The following PLCL1 variants were observed in gnomAD, a reference collection of about 807,000 sequenced individuals.
PLCL1 encodes phospholipase C like 1 (inactive), also known as inactive phospholipase C-like protein 1.
Under a neutral mutation model 84.4 loss-of-function variants are expected in PLCL1, and 41 were observed. That is an observed-to-expected ratio of 0.49 (90% CI 0.38 to 0.63). The LOEUF is 0.63. PLCL1 is among the 30% of genes least tolerant of loss of function. The pLI is 0.00. For synonymous variants in PLCL1, 490 were observed against 488.3 expected, an observed-to-expected ratio of 1.00 and a Z score of -0.05; for missense variants, 1,206 against 1,367.8, an observed-to-expected ratio of 0.88 and a Z score of 1.87.
chr2:198,027,571 AAT>A (rs778397642), intron 1 of PLCL1, among the ~76,000 whole-genome samples: 1 of 152,202 alleles, frequency 6.6e-6, no homozygotes, highest in South Asian at 2.1e-4. Context: ...GCCATTTCAC[AAT>A]ATGTTTGTAT....
chr2:198,042,072 G>A (rs987854261), intron 1 of PLCL1, among the ~76,000 whole-genome samples: 5 of 152,128 alleles, frequency 3.3e-5, no homozygotes, highest in Admixed American at 2.0e-4. Flanking sequence ...CTCTGTGATC[G>A]TGTTCTGGCT....
chr2:198,059,510 G>A (rs1253635799), intron 1 of PLCL1, among the ~76,000 whole-genome samples: 1 of 152,112 alleles, frequency 6.6e-6, no homozygotes, highest in African/African-American at 2.4e-5. Flanking sequence ...ACTTAGGCAA[G>A]GCATTTCATT....
intron 1 of PLCL1, among the ~76,000 whole-genome samples, chr2:197,844,404 A>G (rs1172007035): frequency 2.6e-5 from 4 of 152,094 alleles, no homozygotes; most frequent in African/African-American, 9.7e-5. Flanking sequence ...TTCCCTCCAC[A>G]TAATATTTGT....
At chr2:197,851,382 T>G (rs923780662) in intron 1 of PLCL1, among the ~76,000 whole-genome samples, 2 of 152,244 alleles carry the variant, frequency 1.3e-5, no homozygotes, top group African/African-American at 4.8e-5. Flanking sequence ...TATCAAGTAA[T>G]AATCAATCTA....
At position 198,068,759 on chromosome 2, in the gene PLCL1, C is replaced by T. The variant is rs926561945; in HGVS notation, c.241-14999C>T. ...AAAAATTGCCACTGAGGCGGGCTTA[C>T]GCCTATAATCCCAGCACTTTGGGAG... On this transcript the variant is annotated intron_variant, in intron 1 of 5. Transcript: ENST00000428675. Among the ~76,000 whole-genome samples the T allele has an allele frequency of 2.0e-5, 3 of 152,168 alleles. No individual in the cohort carries two copies. The East Asian group carries it at 5.8e-4, about 29-fold the overall frequency.
intron 5 of PLCL1, among the ~76,000 whole-genome samples, chr2:198,113,084 T>G (rs1451298913): frequency 6.6e-6 from 1 of 151,920 alleles, no homozygotes; most frequent in Non-Finnish European, 1.5e-5. Context: ...AAACTAAGTT[T>G]GATATATTTA....
chr2:197,936,294 T>A (rs912949666), intron 1 of PLCL1, among the ~76,000 whole-genome samples: 2 of 152,208 alleles, frequency 1.3e-5, no homozygotes, highest in Non-Finnish European at 2.9e-5. Flanking sequence ...GTGGTATTGC[T>A]GGATTATATG....
chr2:197,873,641 A>T (rs1687687577), intron 1 of PLCL1, among the ~76,000 whole-genome samples: 2 of 152,122 alleles, frequency 1.3e-5, no homozygotes, highest in Admixed American at 1.3e-4. Context: ...CATACGGTCT[A>T]CAATGTCATA....
At chr2:198,079,804 G>A (rs564177045) in intron 1 of PLCL1, among the ~76,000 whole-genome samples, 6 of 152,234 alleles carry the variant, frequency 3.9e-5, no homozygotes, top group African/African-American at 1.4e-4. Flanking sequence ...CTTATGCATA[G>A]AATATTAGGA....
At chr2:198,024,972 A>T (rs1299207102) in intron 1 of PLCL1, among the ~76,000 whole-genome samples, 1 of 152,030 alleles carries the variant, frequency 6.6e-6, no homozygotes, top group Admixed American at 6.6e-5. Context: ...TTTCCTCAGG[A>T]TATTTTCCAT....
intron 1 of PLCL1, among the ~76,000 whole-genome samples, chr2:197,842,602 T>C (rs1687028153): frequency 6.6e-6 from 1 of 152,170 alleles, no homozygotes; most frequent in Non-Finnish European, 1.5e-5. Flanking sequence ...TTCTGTTTTC[T>C]CTTCACTCAC....
In PLCL1 at chr2:198,085,200, A is replaced by G; in HGVS notation, c.1683A>G (p.Glu561=). 1 of 1,613,966 alleles carries G rather than the reference A, an allele frequency of 6.2e-7. No homozygotes were observed. Among genetic ancestry groups the G allele is most frequent in the East Asian group, 2.2e-5 (1 of 44,876 alleles). The change falls in exon 2 of 6, where the codon GAA becomes GAG. Residue 561 remains glutamate (E), a synonymous_variant. Transcript: ENST00000428675. This position sits in a 1 kb window ranked among gnomAD's most constrained non-coding sequence, Gnocchi z 5.3. ...LEGEVTDEDE[E]AEMSRRMSVD... is the part of the protein sequence containing the mutation. ...GAGAAGTAACAGATGAAGATGAAGA[A>G]GCTGAAATGTCTCGAAGGATGTCGG...
intron 1 of PLCL1, among the ~76,000 whole-genome samples, chr2:198,001,468 A>G (rs531408468): frequency 6.6e-5 from 10 of 152,338 alleles, no homozygotes; most frequent in African/African-American, 2.2e-4. Context: ...CCCTTTTCCC[A>G]TCACTACCTC....
intron 1 of PLCL1, among the ~76,000 whole-genome samples, chr2:197,835,042 T>C (rs1252753032): frequency 2.6e-5 from 4 of 152,084 alleles, no homozygotes; most frequent in African/African-American, 9.7e-5. Flanking sequence ...AGCAAAGTAA[T>C]GCAGGAACAG....
chr2:198,048,390 G>A (rs1475143321), intron 1 of PLCL1, among the ~76,000 whole-genome samples: 1 of 152,172 alleles, frequency 6.6e-6, no homozygotes, highest in Non-Finnish European at 1.5e-5. Context: ...TTTTATAAGG[G>A]CACTGTATTA....
intron 1 of PLCL1, among the ~76,000 whole-genome samples, chr2:197,949,867 G>T (rs556954164): frequency 6.6e-6 from 1 of 152,100 alleles, no homozygotes; most frequent in Non-Finnish European, 1.5e-5. Context: ...CATTGTGTGC[G>T]TGGGATTTAT....
rs936450286 is a variant in PLCL1 at position 197,805,627 on chromosome 2, CGTT to C, written c.240+290_240+292del. 6.6e-6 allele frequency among the ~76,000 whole-genome samples: 1 copy of C among 152,150 alleles called. No homozygotes were observed. The highest frequency in any genetic ancestry group is 1.5e-5 in the Non-Finnish European group (1 of 68,018). On this transcript the variant is annotated intron_variant, in intron 1 of 5. Transcript: ENST00000428675. This position sits in a 1 kb window ranked among gnomAD's most constrained non-coding sequence, Gnocchi z 4.0. ...ATTTTCTCTGCAAGCTTCACTAAAC[CGTT>C]GATGGAGGGAGGAAGGGAGAACTCT...
At chr2:197,882,591 G>C (rs901484404) in intron 1 of PLCL1, among the ~76,000 whole-genome samples, 1 of 152,014 alleles carries the variant, frequency 6.6e-6, no homozygotes, top group Non-Finnish European at 1.5e-5. Context: ...ATATATTTTA[G>C]CCAAAGTATG....
chr2:197,849,767 A>G (rs1037577845), intron 1 of PLCL1, among the ~76,000 whole-genome samples: 1 of 152,144 alleles, frequency 6.6e-6, no homozygotes, highest in African/African-American at 2.4e-5. Flanking sequence ...AAAGAGCAAT[A>G]AAAGGAACTG....
Sources: gnomAD v4.1 joint callset for allele counts (sites outside exome capture counted in the v4.1 genomes callset) on GRCh38, gnomAD v4.1.1 for gene constraint, Gnocchi (gnomAD v3.1) non-coding constraint, MANE v1.5 for transcripts, NCBI Gene and HGNC (gene_info 2026-07-23, HGNC 2026-07-21) for gene names.